Variants in SCUBE3 observed in about 807,000 individuals in gnomAD.
SCUBE3 encodes signal peptide, CUB domain and EGF like domain containing 3, also known as signal peptide, CUB and EGF-like domain-containing protein 3.
In SCUBE3, 33 loss-of-function variants were observed where a neutral mutation model predicts 116.8. The observed-to-expected ratio is 0.28, with a 90% CI of 0.21 to 0.38. The LOEUF is 0.38. Among genes scored for constraint, SCUBE3 ranks in the 10% least tolerant of loss-of-function variants. The probability of loss-of-function intolerance (pLI) is 1.00; values close to 1 mark genes in which losing one functional copy is unlikely to be tolerated. For synonymous variants in SCUBE3, 418 were observed against 496.9 expected, an observed-to-expected ratio of 0.84 and a Z score of 2.11; for missense variants, 1,007 against 1,324.8, an observed-to-expected ratio of 0.76 and a Z score of 3.72.
chr6:35,217,237 CGGGGGGGAGGCGCGGCGGG>C (rs1562039644), intron 1 of SCUBE3, among the ~76,000 whole-genome samples: 570 of 1,648 alleles, frequency 0.35, 75 homozygotes, highest in Middle Eastern at 0.5. Context: ...GGGGGGGGGG[CGGGGGGGAGGCGCGGCGGG>C]GGGGGGGGTG....
At chr6:35,226,115 A>G (rs1783309953) in intron 1 of SCUBE3, among the ~76,000 whole-genome samples, 1 of 152,184 alleles carries the variant, frequency 6.6e-6, no homozygotes, top group African/African-American at 2.4e-5. Flanking sequence ...TTGACTACAC[A>G]TTAGAATAAC....
chr6:35,243,654 C>T lies in SCUBE3; in HGVS notation c.1970C>T (p.Ala657Val), dbSNP rs772679097. The change falls in exon 16 of 22, where the codon GCG becomes GTG. Residue 657 changes from alanine to valine, a missense_variant. Around this residue, in one of 5 missense-constraint regions of SCUBE3, gnomAD observed 544 missense variants for 638.9 expected, o/e 0.85. Transcript: ENST00000274938. The surrounding 1 kb of genome is among the most constrained non-coding windows in gnomAD (Gnocchi z 6.6). ...ACGGAGCAGTGTGTGCCATGCCCAG[C>T]GGGCACCTTCCAGGAGAGAGAAGGG... is the stretch of plus-strand genomic sequence containing the variant. ...GQTEQCVPCP[A>V]GTFQEREGQL... 7 of 1,613,624 alleles carry T rather than the reference C, an allele frequency of 4.3e-6. No homozygotes were observed. Among genetic ancestry groups the T allele is most frequent in the Admixed American group, 3.3e-5 (2 of 60,000 alleles).
chr6:35,241,374 G>A lies in SCUBE3; in HGVS notation c.1195+108G>A. 1 of 1,330,678 alleles carries A rather than the reference G, an allele frequency of 7.5e-7. No homozygotes were observed. Among genetic ancestry groups the A allele is most frequent in the African/African-American group, 1.4e-5 (1 of 69,394 alleles). The allele number at this position is 1,330,678 out of a possible 1,614,324, so 82.4% of individuals were successfully genotyped here. A position where few individuals can be genotyped will look rare whatever the true frequency, so the allele number is the denominator to read the frequency against. On this transcript the variant is annotated intron_variant, in intron 10 of 21. Transcript: ENST00000274938. This position sits in a 1 kb window ranked among gnomAD's most constrained non-coding sequence, Gnocchi z 4.1. ...TTGGGGAAAGGTGTGAGGTGGAAAG[G>A]GTGGAGAATGTAGCCATTTTGAGTT...
chr6:35,231,420 T>C lies in SCUBE3; in HGVS notation c.335-305T>C, dbSNP rs1004450754. ...GTTCCTCTTTCTCTGGCTTCTTTCC[T>C]GGTGTCCTCTGTCTTCATACCCAGT... On this transcript the variant is annotated intron_variant, in intron 3 of 21. Transcript: ENST00000274938. The surrounding 1 kb of genome is among the most constrained non-coding windows in gnomAD (Gnocchi z 4.2). Among the ~76,000 whole-genome samples, 73 of 152,234 alleles carry C rather than the reference T, an allele frequency of 4.8e-4. 1 individual carries two copies. The highest frequency in any genetic ancestry group is 1.7e-3 in the African/African-American group (70 of 41,458).
chr6:35,232,049 A>G lies in SCUBE3; in HGVS notation c.469+190A>G, dbSNP rs545566094. ...CCCTGTTAGGGCAAAATCTGGGGAA[A>G]TTACTTTGAGGTTGGGATCAATATG... is the stretch of plus-strand genomic sequence containing the variant. On this transcript the variant is annotated intron_variant, in intron 4 of 21. Coordinates refer to ENST00000274938, the MANE Select transcript of SCUBE3 (RefSeq NM_152753.4). The surrounding 1 kb of genome is among the most constrained non-coding windows in gnomAD (Gnocchi z 4.2). 6.6e-6 allele frequency among the ~76,000 whole-genome samples: 1 copy of G among 152,302 alleles called. No individual in the cohort carries two copies. The highest frequency in any genetic ancestry group is 1.9e-4 in the East Asian group (1 of 5,188).
Position 35,245,822 on chromosome 6 carries a change from GGA to G in SCUBE3, c.2600-120_2600-119del. ...GGGTAGGGTGTGTGTATGCGAAGGG[GGA>G]GCCTTTGTCAGAATGATTCTCTTGC... On this transcript the variant is annotated intron_variant, in intron 19 of 21. Transcript: ENST00000274938. The surrounding 1 kb of genome is among the most constrained non-coding windows in gnomAD (Gnocchi z 4.2). 3.8e-6 allele frequency: 4 copies of G among 1,041,322 alleles called. No individual in the cohort carries two copies. In the South Asian group the frequency reaches 6.1e-5, roughly 16 times the overall value. 64.5% of individuals were successfully genotyped at this position (1,041,322 alleles called of 1,614,324 possible). A position where few individuals can be genotyped will look rare whatever the true frequency, so the allele number is the denominator to read the frequency against.
intron 3 of SCUBE3, among the ~76,000 whole-genome samples, chr6:35,230,999 G>A (rs1440286833): frequency 2.0e-5 from 3 of 152,134 alleles, no homozygotes; most frequent in Non-Finnish European, 1.5e-5. Context: ...GGGGGTGAGA[G>A]CCTACTGTTC....
At position 35,239,380 on chromosome 6, in the gene SCUBE3, A is replaced by G. The variant is rs1783927331; in HGVS notation, c.830-372A>G. ...GATAACCCTTACCCACCAACCTTTC[A>G]GGGAATGGCCATCAGCTGGAGACTA... On this transcript the variant is annotated intron_variant, in intron 7 of 21. Coordinates refer to ENST00000274938, the MANE Select transcript of SCUBE3 (RefSeq NM_152753.4). This position sits in a 1 kb window ranked among gnomAD's most constrained non-coding sequence, Gnocchi z 4.1. Among the ~76,000 whole-genome samples the G allele has an allele frequency of 6.8e-6, 1 of 146,150 alleles. No individual in the cohort carries two copies.
At position 35,214,011 on chromosome 6, in the gene SCUBE3, C is replaced by G. The variant is rs965492531; in HGVS notation, c.-408C>G. Among the ~76,000 whole-genome samples, 1 of 152,202 alleles carries G rather than the reference C, an allele frequency of 6.6e-6. No individual in the cohort carries two copies. Among genetic ancestry groups the G allele is most frequent in the African/African-American group, 2.4e-5 (1 of 41,462 alleles). ...GCGTGTTTCTGGCGCTGCGTTTCCC[C>G]TCCCCTTTCTCAGGTCCTTCGCTCG... is the stretch of plus-strand genomic sequence containing the variant. On this transcript the variant is annotated 5_prime_UTR_variant, in exon 1 of 22. Transcript: ENST00000274938. This position sits in a 1 kb window ranked among gnomAD's most constrained non-coding sequence, Gnocchi z 6.3.
chr6:35,224,479 T>C (rs943060057), intron 1 of SCUBE3: 1 of 151,700 alleles, frequency 6.6e-6, no homozygotes, highest in African/African-American at 2.4e-5. Context: ...AATACAAAAA[T>C]TAGCCAAGTG....
At chr6:35,246,868 A>G (rs1784363157) in intron 21 of SCUBE3, among the ~76,000 whole-genome samples, 1 of 152,032 alleles carries the variant, frequency 6.6e-6, no homozygotes, top group Non-Finnish European at 1.5e-5. Context: ...AATCCCAGCT[A>G]CTCAGGAGGC....
At chr6:35,234,724 TG>T in intron 6 of SCUBE3, among the ~76,000 whole-genome samples, 1 of 152,350 alleles carries the variant, frequency 6.6e-6, no homozygotes, top group South Asian at 2.1e-4. Flanking sequence ...AAAAGATGCA[TG>T]AGTCAGGGGC....
At chr6:35,216,298 G>A (rs1043459684) in intron 1 of SCUBE3, among the ~76,000 whole-genome samples, 3 of 152,224 alleles carry the variant, frequency 2.0e-5, no homozygotes, top group Non-Finnish European at 4.4e-5. Context: ...GCTGGGTACT[G>A]AGGAACATGC....
chr6:35,248,866 A>G lies in SCUBE3; in HGVS notation c.*161A>G. Reference sequence around the variant, plus strand: ...AGGCACTCTCCCTTTCTGTCTTTCTAGTTTCCTTTCCTTGTCTCTCTCTGC... The same window carrying G: ...AGGCACTCTCCCTTTCTGTCTTTCTGGTTTCCTTTCCTTGTCTCTCTCTGC... On this transcript the variant is annotated 3_prime_UTR_variant, in exon 22 of 22. Transcript: ENST00000274938. The G allele has an allele frequency of 1.6e-6, 1 of 627,244 alleles. No individual in the cohort carries two copies. Among genetic ancestry groups the G allele is most frequent in the South Asian group, 2.0e-5 (1 of 50,576 alleles). The allele number at this position is 627,244 out of a possible 1,614,324, so 38.9% of individuals were successfully genotyped here.
chr6:35,241,981 C>A lies in SCUBE3; in HGVS notation c.1417+71C>A. On this transcript the variant is annotated intron_variant, in intron 12 of 21. Coordinates refer to ENST00000274938, the MANE Select transcript of SCUBE3 (RefSeq NM_152753.4). This position sits in a 1 kb window ranked among gnomAD's most constrained non-coding sequence, Gnocchi z 4.1. ...TTAATCCCTTATTTTTGTTCTTCAT[C>A]AATCCCCTGGCCTTCCTTTCTCCTG... The A allele has an allele frequency of 8.7e-7, 1 of 1,144,638 alleles. No homozygotes were observed. The highest frequency in any genetic ancestry group is 1.3e-6 in the Non-Finnish European group (1 of 762,042). The allele number at this position is 1,144,638 out of a possible 1,614,324, so 70.9% of individuals were successfully genotyped here.
At position 35,239,925 on chromosome 6, in the gene SCUBE3, G is replaced by A. The variant is rs192475368; in HGVS notation, c.952+51G>A. 7.3e-6 allele frequency: 11 copies of A among 1,504,506 alleles called. No homozygotes were observed. Among genetic ancestry groups the A allele is most frequent in the Non-Finnish European group, 9.8e-6 (11 of 1,125,532 alleles). The allele number at this position is 1,504,506 out of a possible 1,614,324, so 93.2% of individuals were successfully genotyped here. ...AGCCTTAGGAGAGGTTCTTGTGGGAGAGCTTCAAGGAGGCCAGAGGGCTAA... is the reference window on the plus strand; with the variant it reads ...AGCCTTAGGAGAGGTTCTTGTGGGAAAGCTTCAAGGAGGCCAGAGGGCTAA... On this transcript the variant is annotated intron_variant, in intron 8 of 21. Transcript: ENST00000274938. This position sits in a 1 kb window ranked among gnomAD's most constrained non-coding sequence, Gnocchi z 4.1.
intron 1 of SCUBE3, among the ~76,000 whole-genome samples, chr6:35,220,154 A>G (rs1783069146): frequency 6.6e-6 from 1 of 152,220 alleles, no homozygotes. Context: ...GGGAGGTACA[A>G]TAATGACTAA....
intron 1 of SCUBE3, chr6:35,223,681 T>G (rs1783200798): frequency 1.3e-5 from 2 of 152,146 alleles, no homozygotes; most frequent in South Asian, 4.2e-4. Flanking sequence ...CATCAACTGG[T>G]TTTCCAGCTA....
chr6:35,246,515 C>T (rs1199278922), intron 21 of SCUBE3, among the ~76,000 whole-genome samples: 1 of 152,124 alleles, frequency 6.6e-6, no homozygotes, highest in Non-Finnish European at 1.5e-5. Context: ...CCGACTGCAG[C>T]GTCACCCACA....
Sources: gnomAD v4.1 joint callset for allele counts (sites outside exome capture counted in the v4.1 genomes callset) on GRCh38, gnomAD v4.1.1 for gene constraint, gnomAD v4.1.1 regional missense constraint, Gnocchi (gnomAD v3.1) non-coding constraint, MANE v1.5 for transcripts, NCBI Gene and HGNC (gene_info 2026-07-23, HGNC 2026-07-21) for gene names.